The following NUDCD3 variants were observed in gnomAD, a reference collection of about 807,000 sequenced individuals.
NUDCD3 encodes the protein nudC domain-containing protein 3.
Under a neutral mutation model 39.7 loss-of-function variants are expected in NUDCD3, and 13 were observed. The ratio of observed to expected loss-of-function variants is 0.33; its 90% CI spans 0.21 to 0.52. The LOEUF (loss-of-function observed/expected upper bound fraction) is 0.52. Ranked by LOEUF, NUDCD3 falls within the 20% of genes least tolerant of loss-of-function variation. The pLI is 0.96. For synonymous variants in NUDCD3, 175 were observed against 172.4 expected (o/e 1.02, Z -0.12); for missense variants, 453 against 458.1 (o/e 0.99, Z 0.10).
chr7:44,472,339 G>A (rs574992007), intron 2 of NUDCD3, among the ~76,000 whole-genome samples: 1 of 152,158 alleles, frequency 6.6e-6, no homozygotes, highest in African/African-American at 2.4e-5. Flanking sequence ...ACCAGTAAGA[G>A]AATTCGATAT....
At chr7:44,467,830 A>T in intron 2 of NUDCD3, 1 of 986,406 alleles carries the variant, frequency 1.0e-6, no homozygotes, top group Non-Finnish European at 1.4e-6. Context: ...AAAAAAAAAA[A>T]AGAAAAGAAA....
At chr7:44,481,395 C>A (rs1800488354) in intron 2 of NUDCD3, 1 of 152,274 alleles carries the variant, frequency 6.6e-6, no homozygotes, top group African/African-American at 2.4e-5. Flanking sequence ...GAAATTTCTT[C>A]TACTTCAGGG....
intron 2 of NUDCD3, among the ~76,000 whole-genome samples, chr7:44,465,466 G>T (rs1800099880): frequency 1.3e-5 from 2 of 152,208 alleles, no homozygotes; most frequent in Non-Finnish European, 2.9e-5. Flanking sequence ...GGTTAAAACT[G>T]AAAAAGTAGA....
At chr7:44,482,682 G>A (rs557371637) in intron 2 of NUDCD3, among the ~76,000 whole-genome samples, 4 of 152,132 alleles carry the variant, frequency 2.6e-5, no homozygotes, top group East Asian at 1.9e-4. Context: ...CCAGAGACTC[G>A]ACAGCATAAC....
chr7:44,485,077 G>T lies in NUDCD3; in HGVS notation c.400C>A (p.Gln134Lys). The change falls in exon 2 of 6, where the codon CAG (glutamine) becomes AAG (lysine). Residue 134 changes from glutamine to lysine, a missense_variant. Gln to Lys is a moderately conservative substitution (Grantham distance 53, BLOSUM62 1). Coordinates refer to ENST00000355451, the MANE Select transcript of NUDCD3 (RefSeq NM_015332.4). ...ATTTCCTTCACAGGGCCTGGAGGCT[G>T]CACTTTCTCTACTTCCTGATGCCCA... ...LDGHQEVEKVQPPGPVKEMAH... is the reference protein window; with the variant it reads ...LDGHQEVEKVKPPGPVKEMAH... 6.2e-7 allele frequency: 1 copy of T among 1,614,114 alleles called. No homozygotes were observed.
intron 2 of NUDCD3, among the ~76,000 whole-genome samples, chr7:44,442,038 A>G (rs7792697): frequency 0.16 from 24,137 of 152,194 alleles, 2,088 homozygotes; most frequent in Non-Finnish European, 0.19. Context: ...ACAAAATGGG[A>G]GCACATGAGT....
chr7:44,455,823 G>T (rs111778508), intron 2 of NUDCD3, among the ~76,000 whole-genome samples: 1 of 151,498 alleles, frequency 6.6e-6, no homozygotes, highest in Non-Finnish European at 1.5e-5. Context: ...TCAGGAGATC[G>T]AGACCATCCC....
rs760493471 is a variant in NUDCD3, at chr7:44,427,563, G to T, written c.642+8C>A. ...AAGCCGCCCACCCCTACCCGCCAAG[G>T]CCATTACCTGCTTTCCCTTCACCAC... On this transcript the variant is annotated splice_region_variant and intron_variant, in intron 3 of 5. Transcript: ENST00000355451. 1 of 1,611,486 alleles carries T rather than the reference G, an allele frequency of 6.2e-7. No homozygotes were observed. Among genetic ancestry groups the T allele is most frequent in the Non-Finnish European group, 8.5e-7 (1 of 1,178,762 alleles).
chr7:44,390,586 T>C (rs2116858554), intron 5 of NUDCD3, among the ~76,000 whole-genome samples: 1 of 152,268 alleles, frequency 6.6e-6, no homozygotes, highest in African/African-American at 2.4e-5. Context: ...ACTGCCTTCT[T>C]ATCTTTCTGG....
intron 2 of NUDCD3, among the ~76,000 whole-genome samples, chr7:44,438,241 C>A (rs945182951): frequency 6.6e-6 from 1 of 152,024 alleles, no homozygotes; most frequent in African/African-American, 2.4e-5. Context: ...TTAGTCTTTA[C>A]CCAATTTTAT....
chr7:44,428,123 TAAAAAAAAAAAAA>T (rs55642004), intron 2 of NUDCD3, among the ~76,000 whole-genome samples: 48 of 76,110 alleles, frequency 6.3e-4, no homozygotes, highest in Admixed American at 2.8e-3. Flanking sequence ...GGTCAATCTT[TAAAAAAAAAAAAA>T]AAAAAAAAAA....
At chr7:44,437,536 G>A (rs1335502424) in intron 2 of NUDCD3, among the ~76,000 whole-genome samples, 1 of 152,104 alleles carries the variant, frequency 6.6e-6, no homozygotes, top group African/African-American at 2.4e-5. Context: ...ACAGAGGAGA[G>A]AGACCCCAGG....
chr7:44,400,370 T>C (rs1263956689), intron 4 of NUDCD3, among the ~76,000 whole-genome samples: 1 of 152,160 alleles, frequency 6.6e-6, no homozygotes, highest in Non-Finnish European at 1.5e-5. Context: ...GAGCAGGTTA[T>C]GTGGAAGGCA....
chr7:44,411,130 G>C (rs1798915565), intron 3 of NUDCD3, among the ~76,000 whole-genome samples: 1 of 152,142 alleles, frequency 6.6e-6, no homozygotes, highest in Non-Finnish European at 1.5e-5. Context: ...TCAAAATGAA[G>C]TTGGACAACT....
chr7:44,431,569 T>C (rs762401915), intron 2 of NUDCD3, among the ~76,000 whole-genome samples: 1 of 151,882 alleles, frequency 6.6e-6, no homozygotes, highest in Non-Finnish European at 1.5e-5. Flanking sequence ...GTAGGTGAGG[T>C]TTCTGACCGG....
intron 3 of NUDCD3, among the ~76,000 whole-genome samples, chr7:44,410,920 C>T (rs1352854272): frequency 1.3e-5 from 2 of 152,184 alleles, no homozygotes; most frequent in South Asian, 2.1e-4. Context: ...GAGCCAAGAT[C>T]GCGTCACTGC....
intron 2 of NUDCD3, among the ~76,000 whole-genome samples, chr7:44,440,854 GCTCT>G (rs1029649364): frequency 6.6e-6 from 1 of 152,078 alleles, no homozygotes; most frequent in Non-Finnish European, 1.5e-5. Flanking sequence ...TTGCATGTGA[GCTCT>G]CTCTCTCACC....
intron 2 of NUDCD3, among the ~76,000 whole-genome samples, chr7:44,442,183 A>G (rs1466535615): frequency 1.3e-5 from 2 of 152,234 alleles, no homozygotes; most frequent in East Asian, 3.8e-4. Flanking sequence ...TAGATTATTA[A>G]TACAAATAAT....
intron 2 of NUDCD3, among the ~76,000 whole-genome samples, chr7:44,433,060 C>T (rs768789363): frequency 5.3e-5 from 8 of 152,192 alleles, no homozygotes; most frequent in Non-Finnish European, 1.2e-4. Flanking sequence ...CCTCAAAGAG[C>T]TTCCTCATCC....
Sources: gnomAD v4.1 joint callset for allele counts (sites outside exome capture counted in the v4.1 genomes callset) on GRCh38, gnomAD v4.1.1 for gene constraint, MANE v1.5 for transcripts, NCBI Gene and HGNC (gene_info 2026-07-23, HGNC 2026-07-21) for gene names.